Variants in SMIM45 observed in about 807,000 individuals in gnomAD.
SMIM45 encodes the protein small integral membrane protein 45.
the SMIM45 span, among the ~76,000 whole-genome samples, chr22:41,947,669 CTTT>C: frequency 4.0e-5 from 5 of 125,232 alleles, no homozygotes; most frequent in Non-Finnish European, 5.1e-5. Flanking sequence ...GTGCCTGGCC[CTTT>C]TTTTTTTTTT....
the SMIM45 span, among the ~76,000 whole-genome samples, chr22:41,954,736 G>A: frequency 6.6e-6 from 1 of 152,032 alleles, no homozygotes. Flanking sequence ...GGCCGAGCAC[G>A]GTGGCTCATG....
the SMIM45 span, chr22:41,958,216 C>T: frequency 6.9e-6 from 3 of 437,544 alleles, no homozygotes; most frequent in African/African-American, 2.0e-5. Context: ...TGGACTCAGG[C>T]ATGTCTATGG....
At chr22:41,948,699 C>T in the SMIM45 span, among the ~76,000 whole-genome samples, 1 of 152,180 alleles carries the variant, frequency 6.6e-6, no homozygotes, top group Non-Finnish European at 1.5e-5. Context: ...GGGTGAATCA[C>T]TTGAGGCCGG....
the SMIM45 span, chr22:41,958,505 A>AGAGAGAGTGAGAGT: frequency 2.5e-6 from 1 of 400,528 alleles, no homozygotes; most frequent in African/African-American, 2.1e-5. Flanking sequence ...AGAGAGAGAG[A>AGAGAGAGTGAGAGT]GAGTCTGGGG....
the SMIM45 span, among the ~76,000 whole-genome samples, chr22:41,950,783 C>T: frequency 1.3e-5 from 2 of 152,160 alleles, no homozygotes; most frequent in African/African-American, 2.4e-5. Flanking sequence ...ATCATGAGGT[C>T]AGTAGATCGA....
the SMIM45 span, chr22:41,958,384 G>T: frequency 1.4e-4 from 64 of 456,608 alleles, 2 homozygotes; most frequent in South Asian, 9.9e-4. Flanking sequence ...GCTTGGGCCA[G>T]ACCAGCCGCA....
the SMIM45 span, among the ~76,000 whole-genome samples, chr22:41,956,257 C>T: frequency 2.1e-4 from 32 of 152,274 alleles, no homozygotes; most frequent in South Asian, 1.9e-3. Flanking sequence ...GCAATCCACC[C>T]GCTTTGGCCT....
chr22:41,951,988 G>T, the SMIM45 span, among the ~76,000 whole-genome samples: 1 of 152,212 alleles, frequency 6.6e-6, no homozygotes, highest in Non-Finnish European at 1.5e-5. Flanking sequence ...CAATCCTGCC[G>T]CTCTGTCATC....
At chr22:41,949,536 A>G in the SMIM45 span, among the ~76,000 whole-genome samples, 1 of 152,216 alleles carries the variant, frequency 6.6e-6, no homozygotes, top group Non-Finnish European at 1.5e-5. Flanking sequence ...CACGGAGGTG[A>G]TTGAGCTCCC....
the SMIM45 span, among the ~76,000 whole-genome samples, chr22:41,947,367 CT>C: frequency 0.36 from 48,193 of 132,786 alleles, 11,868 homozygotes; most frequent in African/African-American, 0.75. Flanking sequence ...ATACACAGTA[CT>C]TTTTTTTTTT....
chr22:41,952,974 G>A, the SMIM45 span, among the ~76,000 whole-genome samples: 1 of 152,130 alleles, frequency 6.6e-6, no homozygotes, highest in Non-Finnish European at 1.5e-5. Context: ...ACCAACCCTG[G>A]CAGCACCAGA....
the SMIM45 span, chr22:41,958,721 C>T: frequency 1.0e-4 from 24 of 237,036 alleles, no homozygotes; most frequent in South Asian, 1.2e-3. Flanking sequence ...AGCCCCTGCC[C>T]TCCCTCCCTG....
chr22:41,954,364 C>T, the SMIM45 span, among the ~76,000 whole-genome samples: 1 of 151,806 alleles, frequency 6.6e-6, no homozygotes, highest in African/African-American at 2.4e-5. Flanking sequence ...CTGCCACCAC[C>T]CCTGGCTAAT....
chr22:41,951,462 C>T, the SMIM45 span, among the ~76,000 whole-genome samples: 6 of 152,316 alleles, frequency 3.9e-5, no homozygotes, highest in South Asian at 1.2e-3. Flanking sequence ...AACACCAATC[C>T]AGCTGGGAGG....
the SMIM45 span, among the ~76,000 whole-genome samples, chr22:41,950,469 AGGAG>A: frequency 6.7e-6 from 1 of 148,306 alleles, no homozygotes; most frequent in East Asian, 2.0e-4. Flanking sequence ...AGGCTGAGGC[AGGAG>A]GATAGCTTGA....
the SMIM45 span, among the ~76,000 whole-genome samples, chr22:41,950,624 G>A: frequency 6.6e-6 from 1 of 152,134 alleles, no homozygotes; most frequent in African/African-American, 2.4e-5. Context: ...CCTGAGCCCA[G>A]GAGGCAGAGG....
At chr22:41,953,745 T>G in the SMIM45 span, among the ~76,000 whole-genome samples, 3 of 71,906 alleles carry the variant, frequency 4.2e-5, no homozygotes, top group East Asian at 4.9e-4. Context: ...GATCTGTTTT[T>G]TTTTTTTTTT....
the SMIM45 span, chr22:41,947,166 A>G: frequency 7.9e-7 from 1 of 1,263,190 alleles, no homozygotes; most frequent in Non-Finnish European, 1.1e-6. Context: ...GCCTGGGGGC[A>G]CGTGCCTCCT....
chr22:41,948,405 AC>A, the SMIM45 span, among the ~76,000 whole-genome samples: 1 of 152,156 alleles, frequency 6.6e-6, no homozygotes, highest in African/African-American at 2.4e-5. Flanking sequence ...GACAATGATA[AC>A]AGTGTGTTCA....
Sources: gnomAD v4.1 joint callset for allele counts (sites outside exome capture counted in the v4.1 genomes callset) on GRCh38, gnomAD v4.1.1 for gene constraint, MANE v1.5 for transcripts, NCBI Gene and HGNC (gene_info 2026-07-23, HGNC 2026-07-21) for gene names.